The following NXPH1 variants were observed in gnomAD, a reference collection of about 807,000 sequenced individuals.
NXPH1 encodes the protein neurexophilin 1, also known as neurexophilin-1.
In NXPH1, 5 loss-of-function variants were observed where a neutral mutation model predicts 23.7. The observed-to-expected ratio is 0.21, with a 90% CI of 0.11 to 0.44. NXPH1 has a LOEUF of 0.44. NXPH1 is among the 20% of genes least tolerant of loss of function. The pLI is 0.99. For synonymous variants in NXPH1, 144 were observed against 122.2 expected, an observed-to-expected ratio of 1.18 and a Z score of -1.18; for missense variants, 324 against 321.6, an observed-to-expected ratio of 1.01 and a Z score of -0.06.
chr7:8,572,211 C>T (rs577850221), intron 2 of NXPH1, among the ~76,000 whole-genome samples: 2 of 152,046 alleles, frequency 1.3e-5, no homozygotes, highest in East Asian at 1.9e-4. Context: ...TATCTGGATA[C>T]TTCCTCCAAT....
intron 2 of NXPH1, among the ~76,000 whole-genome samples, chr7:8,620,079 C>CGTT (rs1819832782): frequency 1.3e-5 from 2 of 152,218 alleles, no homozygotes; most frequent in African/African-American, 4.8e-5. Context: ...CCAGAGTAGC[C>CGTT]GTTGACCTCT....
chr7:8,487,651 T>A (rs1455135475), intron 2 of NXPH1, among the ~76,000 whole-genome samples: 1 of 152,144 alleles, frequency 6.6e-6, no homozygotes, highest in East Asian at 1.9e-4. Flanking sequence ...CACTTTTAAG[T>A]GTCTTGAAAT....
At chr7:8,462,266 C>T (rs183611631) in intron 2 of NXPH1, among the ~76,000 whole-genome samples, 5 of 152,314 alleles carry the variant, frequency 3.3e-5, no homozygotes, top group African/African-American at 1.2e-4. Context: ...CCAGGATGGC[C>T]TCGATCTCTT....
intron 2 of NXPH1, among the ~76,000 whole-genome samples, chr7:8,551,914 T>G (rs113554278): frequency 4.1e-4 from 62 of 151,402 alleles, no homozygotes; most frequent in African/African-American, 1.4e-3. Context: ...TTCAAGTAGA[T>G]CTATAGCTTT....
rs189538113 is a variant in NXPH1, at chr7:8,596,357, G to A, written c.55-154651G>A. Among the ~76,000 whole-genome samples the A allele has an allele frequency of 1.1e-3, 172 of 152,192 alleles. 1 individual carries two copies. Among genetic ancestry groups the A allele is most frequent in the African/African-American group, 3.4e-3 (141 of 41,564 alleles). ...AGAGTTTGGAAAGTGACAGAATAGC[G>A]TACCTGGAAGGAGTTAATGAAGACA... is the stretch of plus-strand genomic sequence containing the variant. On this transcript the variant is annotated intron_variant, in intron 2 of 2. Transcript: ENST00000405863.
chr7:8,616,863 A>AG (rs1274189628), intron 2 of NXPH1, among the ~76,000 whole-genome samples: 1 of 151,810 alleles, frequency 6.6e-6, no homozygotes, highest in Non-Finnish European at 1.5e-5. Flanking sequence ...TAAAAAAAAA[A>AG]AAAACCACTC....
chr7:8,627,938 T>C (rs1166767095), intron 2 of NXPH1, among the ~76,000 whole-genome samples: 1 of 152,052 alleles, frequency 6.6e-6, no homozygotes, highest in Non-Finnish European at 1.5e-5. Context: ...TAAAAGGCAC[T>C]ATATGGGCAT....
chr7:8,738,150 C>G lies in NXPH1; in HGVS notation c.55-12858C>G, dbSNP rs564628754. Among the ~76,000 whole-genome samples, 6 of 152,338 alleles carry G rather than the reference C, an allele frequency of 3.9e-5. No homozygotes were observed. In the South Asian group the frequency reaches 1.2e-3, roughly 32 times the overall value. ...CCTACTTCTGTCCATTCGTCAAACT[C>G]ATTCTCCGTCCAGTTTTGTTCCCTT... is the stretch of plus-strand genomic sequence containing the variant. On this transcript the variant is annotated intron_variant, in intron 2 of 2. Transcript: ENST00000405863.
rs569699232 is a variant in NXPH1, at chr7:8,732,212, C to T, written c.55-18796C>T. Among the ~76,000 whole-genome samples the T allele has an allele frequency of 3.1e-3, 479 of 152,328 alleles. 9 individuals are homozygous for T. Among genetic ancestry groups the T allele is most frequent in the South Asian group, 1.0e-3 (5 of 4,832 alleles). On this transcript the variant is annotated intron_variant, in intron 2 of 2. Transcript: ENST00000405863. ...GCCATGCTTCGGCTCGTGCATGGTG[C>T]GCGCACCCACTGACTTGCGCCCAGT...
In NXPH1 at chr7:8,496,185, T is replaced by C. The variant is rs576888896; in HGVS notation, c.54+60418T>C. On this transcript the variant is annotated intron_variant, in intron 2 of 2. Coordinates refer to ENST00000405863, the MANE Select transcript of NXPH1 (RefSeq NM_152745.3). ...GAGAGTGCAAAGATTATTACAATAGTACCATTTCATGTCGGGCCTTTCTTT... is the reference window on the plus strand; with the variant it reads ...GAGAGTGCAAAGATTATTACAATAGCACCATTTCATGTCGGGCCTTTCTTT... Among the ~76,000 whole-genome samples, 3 of 152,126 alleles carry C rather than the reference T, an allele frequency of 2.0e-5. No individual in the cohort carries two copies. The South Asian group carries it at 6.2e-4, about 32-fold the overall frequency.
chr7:8,529,232 T>C (rs1199761760), intron 2 of NXPH1, among the ~76,000 whole-genome samples: 1 of 152,256 alleles, frequency 6.6e-6, no homozygotes, highest in Non-Finnish European at 1.5e-5. Flanking sequence ...TAATCTACAG[T>C]AATATCTATT....
chr7:8,705,678 G>T (rs1424186972), intron 2 of NXPH1, among the ~76,000 whole-genome samples: 1 of 152,114 alleles, frequency 6.6e-6, no homozygotes, highest in Non-Finnish European at 1.5e-5. Flanking sequence ...TAGCCCTTTG[G>T]ACGTGGTGCA....
At chr7:8,731,847 C>T (rs964890841) in intron 2 of NXPH1, among the ~76,000 whole-genome samples, 1 of 152,250 alleles carries the variant, frequency 6.6e-6, no homozygotes, top group Non-Finnish European at 1.5e-5. Context: ...GGCAGGCCTC[C>T]TTGAGCTGTG....
chr7:8,674,080 TC>T (rs1820911752), intron 2 of NXPH1, among the ~76,000 whole-genome samples: 1 of 152,004 alleles, frequency 6.6e-6, no homozygotes, highest in Non-Finnish European at 1.5e-5. Flanking sequence ...AATTATTTTT[TC>T]TATTGTGAAA....
intron 2 of NXPH1, among the ~76,000 whole-genome samples, chr7:8,493,719 A>T (rs1436135326): frequency 6.6e-6 from 1 of 152,036 alleles, no homozygotes; most frequent in East Asian, 1.9e-4. Context: ...GAAAGATTGT[A>T]TTGTCAAGAA....
chr7:8,601,817 C>T (rs1046788852), intron 2 of NXPH1, among the ~76,000 whole-genome samples: 2 of 152,176 alleles, frequency 1.3e-5, no homozygotes, highest in African/African-American at 4.8e-5. Context: ...AGCCACAATG[C>T]TATTCTAGGA....
At chr7:8,487,772 A>G (rs1817183016) in intron 2 of NXPH1, among the ~76,000 whole-genome samples, 1 of 152,150 alleles carries the variant, frequency 6.6e-6, no homozygotes, top group South Asian at 2.1e-4. Context: ...CCCCATTTGG[A>G]GTGAGACCGT....
chr7:8,696,326 G>C (rs541493169), intron 2 of NXPH1, among the ~76,000 whole-genome samples: 7 of 152,214 alleles, frequency 4.6e-5, no homozygotes, highest in Non-Finnish European at 1.0e-4. Flanking sequence ...AATGACTATG[G>C]GGACATTGGG....
chr7:8,569,023 A>G (rs1044101090), intron 2 of NXPH1, among the ~76,000 whole-genome samples: 3 of 151,902 alleles, frequency 2.0e-5, no homozygotes, highest in Non-Finnish European at 2.9e-5. Flanking sequence ...ATATAAGTCT[A>G]TGAATTTAAA....
Sources: gnomAD v4.1 joint callset for allele counts (sites outside exome capture counted in the v4.1 genomes callset) on GRCh38, gnomAD v4.1.1 for gene constraint, MANE v1.5 for transcripts, NCBI Gene and HGNC (gene_info 2026-07-23, HGNC 2026-07-21) for gene names.